The following SVEP1 variants were observed in gnomAD, a reference collection of about 807,000 sequenced individuals.
SVEP1 encodes the protein sushi, von Willebrand factor type A, EGF and pentraxin domain-containing protein 1.
In SVEP1, 164 loss-of-function variants were observed where a neutral mutation model predicts 367.3. The ratio of observed to expected loss-of-function variants is 0.45; its 90% confidence interval spans 0.39 to 0.51. The LOEUF (loss-of-function observed/expected upper bound fraction) is 0.51. Ranked by LOEUF, SVEP1 falls within the 20% of genes least tolerant of loss-of-function variation. The pLI, the probability that SVEP1 is intolerant of heterozygous loss-of-function variation, is 0.00. For missense variants in SVEP1, 4,117 were observed against 4,425.3 expected (o/e 0.93, Z 1.98); for synonymous variants, 1,666 against 1,611.6 (o/e 1.03, Z -0.81).
At chr9:110,369,290 G>A (rs976853037) in intron 47 of SVEP1, among the ~76,000 whole-genome samples, 2 of 152,108 alleles carry the variant, frequency 1.3e-5, no homozygotes, top group African/African-American at 4.8e-5. Flanking sequence ...TTTTTAAACT[G>A]TGATATTTAT....
chr9:110,414,327 AAC>A (rs1237603345), intron 36 of SVEP1, among the ~76,000 whole-genome samples: 1 of 152,046 alleles, frequency 6.6e-6, no homozygotes, highest in Non-Finnish European at 1.5e-5. Flanking sequence ...GGAAAAAAAT[AAC>A]AGTGTATCAG....
intron 36 of SVEP1, among the ~76,000 whole-genome samples, chr9:110,422,675 G>A (rs1180848736): frequency 2.4e-5 from 3 of 124,774 alleles, no homozygotes; most frequent in African/African-American, 9.8e-5. Flanking sequence ...GCACACGTAT[G>A]TTTATAGCGG....
In SVEP1 at chr9:110,579,566, C is replaced by A. The variant is rs1370449528; in HGVS notation, c.-23G>T. 28 of 1,548,548 alleles carry A rather than the reference C, an allele frequency of 1.8e-5. No individual in the cohort carries two copies. The highest frequency in any genetic ancestry group is 2.3e-5 in the Non-Finnish European group (27 of 1,153,872). Reference sequence around the variant, plus strand: ...CATCGCGCTGGAGACAGAGCGGCTGCCCCGGAGCGCAGGCGGCGGCTCGGG... The same window carrying A: ...CATCGCGCTGGAGACAGAGCGGCTGACCCGGAGCGCAGGCGGCGGCTCGGG... On this transcript the variant is annotated 5_prime_UTR_variant, in exon 1 of 48. Coordinates refer to ENST00000374469, the MANE Select transcript of SVEP1 (RefSeq NM_153366.4). This position sits in a 1 kb window ranked among gnomAD's most constrained non-coding sequence, Gnocchi z 5.3.
At chr9:110,479,239 A>G (rs986417498) in intron 13 of SVEP1, among the ~76,000 whole-genome samples, 1 of 152,058 alleles carries the variant, frequency 6.6e-6, no homozygotes, top group Non-Finnish European at 1.5e-5. Context: ...TAATTGTTGT[A>G]AGAGTCCTTT....
In SVEP1 at chr9:110,579,175, G is replaced by A. The variant is rs931294063; in HGVS notation, c.369C>T (p.Ala123=). 2 of 1,566,562 alleles carry A rather than the reference G, an allele frequency of 1.3e-6. No homozygotes were observed. The highest frequency in any genetic ancestry group is 1.4e-5 in the African/African-American group (1 of 73,588). The part of the protein sequence containing the change: ...FPVVPTATRV[A]IVTFSSKNYV... ...AGTTCTTGGACGAGAAGGTCACGATGGCCACGCGCGTGGCCGTGGGCACCA... is the reference window on the plus strand; with the variant it reads ...AGTTCTTGGACGAGAAGGTCACGATAGCCACGCGCGTGGCCGTGGGCACCA... Residue 123 remains alanine (A), a synonymous_variant, in exon 1 of 48, where the codon GCC becomes GCT. Transcript: ENST00000374469. The surrounding 1 kb of genome is among the most constrained non-coding windows in gnomAD (Gnocchi z 5.3).
chr9:110,393,865 T>G (rs1415351993), intron 40 of SVEP1, among the ~76,000 whole-genome samples: 2 of 152,120 alleles, frequency 1.3e-5, no homozygotes, highest in Non-Finnish European at 2.9e-5. Context: ...CCAGGAAGCT[T>G]GAACTGGGTG....
chr9:110,387,367 G>A lies in SVEP1; in HGVS notation c.9978C>T (p.Asn3326=). The change falls in exon 42 of 48, where the codon AAC becomes AAT. Residue 3326 remains asparagine (N), a synonymous_variant. Transcript: ENST00000374469. ...ATGGCCCTTCAAGACTGTAGCCTCT[G>A]TTGCAGGAATATACCACGTTGGGTC... is the stretch of plus-strand genomic sequence containing the variant. ...TTGPNVVYSC[N]RGYSLEGPSE... is the part of the protein sequence containing the mutation. 6.2e-7 allele frequency: 1 copy of A among 1,613,762 alleles called. No individual in the cohort carries two copies. Among genetic ancestry groups the A allele is most frequent in the Non-Finnish European group, 8.5e-7 (1 of 1,179,840 alleles).
intron 36 of SVEP1, among the ~76,000 whole-genome samples, chr9:110,423,190 AAAAAG>A (rs1828199453): frequency 6.8e-6 from 1 of 147,280 alleles, no homozygotes; most frequent in African/African-American, 2.5e-5. Flanking sequence ...AAAAGAAAAA[AAAAAG>A]AAAAATTGTC....
chr9:110,498,017 C>T (rs2118744028), intron 7 of SVEP1, among the ~76,000 whole-genome samples: 1 of 152,284 alleles, frequency 6.6e-6, no homozygotes, highest in East Asian at 1.9e-4. Flanking sequence ...TAAACAATAG[C>T]TTGACTGGAC....
chr9:110,476,504 G>T (rs181578196), intron 13 of SVEP1, among the ~76,000 whole-genome samples, 189 bp from the exon 14 acceptor site: 1 of 152,096 alleles, frequency 6.6e-6, no homozygotes, highest in African/African-American at 2.4e-5. Flanking sequence ...TGGTCACCAG[G>T]ATTAGTTTCA....
rs571789648 is a variant in SVEP1, at chr9:110,461,634, T to C, written c.3323-2521A>G. Among the ~76,000 whole-genome samples the C allele has an allele frequency of 2.6e-5, 4 of 152,304 alleles. No homozygotes were observed. In the East Asian group the frequency reaches 7.7e-4, roughly 29 times the overall value. On this transcript the variant is annotated intron_variant, in intron 18 of 47. Coordinates refer to ENST00000374469, the MANE Select transcript of SVEP1 (RefSeq NM_153366.4). ...GCATTTGTGATAATCTCAAGACATG[T>C]AGATCAAAATTTTAAAACAAAAATA... is the stretch of plus-strand genomic sequence containing the variant.
chr9:110,379,262 G>T, intron 44 of SVEP1, 85 bp downstream of exon 44: 1 of 1,389,220 alleles, frequency 7.2e-7, no homozygotes. Context: ...AAAGTAGTAT[G>T]CATATTAATT....
At chr9:110,373,837 C>G (rs886198487) in intron 46 of SVEP1, among the ~76,000 whole-genome samples, 41 of 151,992 alleles carry the variant, frequency 2.7e-4, no homozygotes, top group Admixed American at 1.3e-4. Context: ...GAACAGATGT[C>G]AAAGTATAGT....
In SVEP1 at chr9:110,366,245, A is replaced by G. The variant is rs544070412; in HGVS notation, c.*294T>C. ...TAACTGAATAAAAATGTGTACCAGGAACTTTCCCAATAGACAGCAGAATAT... is the reference window on the plus strand; with the variant it reads ...TAACTGAATAAAAATGTGTACCAGGGACTTTCCCAATAGACAGCAGAATAT... On this transcript the variant is annotated 3_prime_UTR_variant, in exon 48 of 48. Transcript: ENST00000374469. 19 of 319,150 alleles carry G rather than the reference A, an allele frequency of 6.0e-5. No homozygotes were observed. The East Asian group carries it at 7.9e-4, about 13-fold the overall frequency. The allele number at this position is 319,150 out of a possible 1,614,324, so 19.8% of individuals were successfully genotyped here.
rs772324110 is a variant in SVEP1 at position 110,549,976 on chromosome 9, A to T, written c.660T>A (p.Thr220=). ...GAATGTTCCCTTGCCATATGCCAAA[A>T]GTGAAGATCTCCACTCCTGAATCTC... ...SLRDSGVEIF[T]FGIWQGNIRE... The change falls in exon 2 of 48, where the codon ACT becomes ACA. Residue 220 remains threonine (T), a synonymous_variant. Transcript: ENST00000374469. 6.2e-7 allele frequency: 1 copy of T among 1,613,848 alleles called. No homozygotes were observed. Among genetic ancestry groups the T allele is most frequent in the South Asian group, 1.1e-5 (1 of 91,088 alleles).
chr9:110,386,102 T>TGATA, intron 42 of SVEP1, 28 bp from the exon 43 acceptor site: 1 of 1,594,634 alleles, frequency 6.3e-7, no homozygotes, highest in Non-Finnish European at 8.5e-7. Flanking sequence ...AAATGCTTAC[T>TGATA]GATATTTCCC....
At chr9:110,393,319 AC>A (rs1256612195) in intron 40 of SVEP1, among the ~76,000 whole-genome samples, 6 of 152,228 alleles carry the variant, frequency 3.9e-5, no homozygotes, top group African/African-American at 1.2e-4. Context: ...GACTGCATAT[AC>A]CTATCATATG....
intron 4 of SVEP1, 100 bp from the exon 5 acceptor site, chr9:110,513,205 T>C: frequency 9.1e-7 from 1 of 1,104,660 alleles, no homozygotes; most frequent in Non-Finnish European, 1.3e-6. Context: ...TGCATATGTG[T>C]CAATTGCCTA....
At chr9:110,383,963 G>GAA (rs34979308) in intron 43 of SVEP1, among the ~76,000 whole-genome samples, 19 of 150,966 alleles carry the variant, frequency 1.3e-4, no homozygotes, top group South Asian at 2.1e-4. Context: ...CACCAGCAGG[G>GAA]AAAAAAAAAT....
Sources: allele counts gnomAD v4.1 joint callset (sites outside exome capture counted in the v4.1 genomes callset), GRCh38; gene constraint gnomAD v4.1.1; non-coding constraint Gnocchi (gnomAD v3.1); transcripts MANE v1.5; gene names NCBI Gene and HGNC (gene_info 2026-07-23, HGNC 2026-07-21).